SBF2: variants seen among roughly 807,000 people sequenced by gnomAD.
SBF2 encodes the protein SET binding factor 2.
In SBF2, 112 loss-of-function variants were observed where a neutral mutation model predicts 225.2. The ratio of observed to expected loss-of-function variants is 0.50; its 90% CI spans 0.43 to 0.58. The LOEUF is 0.58. Ranked by LOEUF, SBF2 falls within the 20% of genes least tolerant of loss-of-function variation. The pLI is 0.00. For synonymous variants in SBF2, 763 were observed against 773.3 expected (o/e 0.99, Z 0.22); for missense variants, 1,996 against 2,206.2 (o/e 0.90, Z 1.91).
chr11:10,182,496 AT>A (rs1956774958), intron 2 of SBF2, among the ~76,000 whole-genome samples: 1 of 152,178 alleles, frequency 6.6e-6, no homozygotes. Context: ...GTTGGCTACC[AT>A]TTACAGCAAT....
intron 15 of SBF2, 126 bp downstream of exon 15, chr11:9,963,647 A>T (rs1031191079): frequency 1.3e-5 from 8 of 635,600 alleles, no homozygotes; most frequent in Non-Finnish European, 1.4e-5. Flanking sequence ...AAATGATCCA[A>T]ACAATGAGAG....
At chr11:10,039,431 A>G (rs932016893) in intron 3 of SBF2, among the ~76,000 whole-genome samples, 1 of 151,864 alleles carries the variant, frequency 6.6e-6, no homozygotes, top group Non-Finnish European at 1.5e-5. Context: ...GTTTCCAGAA[A>G]AGTGGTCTTA....
intron 39 of SBF2, chr11:9,780,968 C>A (rs188632258): frequency 3.4e-6 from 1 of 294,988 alleles, no homozygotes; most frequent in Non-Finnish European, 6.6e-6. Flanking sequence ...GTCAGGAAAA[C>A]GGTCTCATGG....
intron 30 of SBF2, among the ~76,000 whole-genome samples, chr11:9,812,331 C>T (rs1430408161): frequency 6.6e-6 from 1 of 152,126 alleles, no homozygotes; most frequent in African/African-American, 2.4e-5. Flanking sequence ...AAAAACCCAG[C>T]GATCAAGACT....
At position 10,115,940 on chromosome 11, in the gene SBF2, G is replaced by A. The variant is rs185656608; in HGVS notation, c.142-72959C>T. Among the ~76,000 whole-genome samples the A allele has an allele frequency of 7.9e-3, 1,209 of 152,242 alleles. 65 individuals carry two copies. The highest frequency in any genetic ancestry group is 0.076 in the Admixed American group (1,160 of 15,272). On this transcript the variant is annotated intron_variant, in intron 2 of 39. Coordinates refer to ENST00000256190, the MANE Select transcript of SBF2 (RefSeq NM_030962.4). ...CTAGCACTTTGGGAGGCCGAGGCAG[G>A]CAGATCACGAGGTCAGGAGATTGAG...
At chr11:10,042,805 T>C in intron 3 of SBF2, 39 bp downstream of exon 3, 1 of 1,608,470 alleles carries the variant, frequency 6.2e-7, no homozygotes, top group Admixed American at 1.7e-5. Context: ...CTAAATGTTG[T>C]ACCTTCGACT....
intron 2 of SBF2, among the ~76,000 whole-genome samples, chr11:10,055,604 A>G (rs1950229394): frequency 6.6e-6 from 1 of 151,994 alleles, no homozygotes; most frequent in South Asian, 2.1e-4. Context: ...AAAAAAGAAC[A>G]AAATAATGTT....
intron 17 of SBF2, among the ~76,000 whole-genome samples, chr11:9,880,168 G>A (rs2134080205): frequency 6.7e-6 from 1 of 148,982 alleles, no homozygotes; most frequent in East Asian, 2.0e-4. Flanking sequence ...CAGAGTTCAG[G>A]CCTTTTCCTT....
At chr11:9,995,054 T>A (rs7949708) in intron 9 of SBF2, among the ~76,000 whole-genome samples, 18,347 of 115,844 alleles carry the variant, frequency 0.16, 1,249 homozygotes, top group Non-Finnish European at 0.17. Flanking sequence ...AAAAAAAAAA[T>A]AAAAATTACT....
chr11:9,985,896 A>C (rs1388911508), intron 13 of SBF2, among the ~76,000 whole-genome samples: 1 of 152,192 alleles, frequency 6.6e-6, no homozygotes, highest in Non-Finnish European at 1.5e-5. Flanking sequence ...GTCAACAAAG[A>C]AACAATGGAT....
chr11:9,968,062 G>A (rs1483643453), intron 14 of SBF2, among the ~76,000 whole-genome samples: 5 of 150,728 alleles, frequency 3.3e-5, no homozygotes, highest in African/African-American at 7.3e-5. Context: ...TAAAAATCAT[G>A]GGATCGCACA....
chr11:10,096,022 A>T (rs946565192), intron 2 of SBF2, among the ~76,000 whole-genome samples: 1 of 152,282 alleles, frequency 6.6e-6, no homozygotes, highest in Admixed American at 6.5e-5. Context: ...AGCCACAACC[A>T]GTGAACTATT....
chr11:9,959,252 A>C, intron 16 of SBF2: 9 of 776,236 alleles, frequency 1.2e-5, no homozygotes, highest in Non-Finnish European at 2.2e-5. Context: ...TTGACTCCAG[A>C]ATACAAGCAG....
At chr11:10,184,176 T>A (rs1050181366) in intron 2 of SBF2, among the ~76,000 whole-genome samples, 1 of 152,162 alleles carries the variant, frequency 6.6e-6, no homozygotes. Context: ...TTTCTTTCAA[T>A]AAAGTGGAAC....
chr11:10,123,648 C>A (rs114231051), intron 2 of SBF2, among the ~76,000 whole-genome samples: 2,851 of 151,564 alleles, frequency 0.019, 66 homozygotes, highest in African/African-American at 0.056. Flanking sequence ...CGAGTTTAAT[C>A]TCTCTCCCCT....
At chr11:10,150,907 T>G (rs1955146647) in intron 2 of SBF2, among the ~76,000 whole-genome samples, 1 of 152,124 alleles carries the variant, frequency 6.6e-6, no homozygotes, top group African/African-American at 2.4e-5. Context: ...AGGATAAACG[T>G]AGAACTGGAG....
At chr11:9,976,096 C>T (rs1407623355) in intron 13 of SBF2, among the ~76,000 whole-genome samples, 20 of 125,756 alleles carry the variant, frequency 1.6e-4, no homozygotes, top group African/African-American at 5.2e-4. Flanking sequence ...TTTTTTGAGA[C>T]GAAGTCTTGT....
intron 16 of SBF2, among the ~76,000 whole-genome samples, chr11:9,927,645 G>T (rs1590484117): frequency 1.3e-5 from 2 of 152,220 alleles, no homozygotes; most frequent in Non-Finnish European, 2.9e-5. Context: ...ATCAACCAAT[G>T]TAATTCACCC....
intron 16 of SBF2, among the ~76,000 whole-genome samples, chr11:9,929,981 G>C (rs1168347077): frequency 6.6e-6 from 1 of 152,154 alleles, no homozygotes; most frequent in African/African-American, 2.4e-5. Flanking sequence ...ATACTTACTG[G>C]GGCCTGTTGG....
Sources: allele counts gnomAD v4.1 joint callset (sites outside exome capture counted in the v4.1 genomes callset), GRCh38; gene constraint gnomAD v4.1.1; transcripts MANE v1.5; gene names NCBI Gene and HGNC (gene_info 2026-07-23, HGNC 2026-07-21).